FRMD4A: variants seen among roughly 807,000 people sequenced by gnomAD.
The protein encoded by FRMD4A is FERM domain containing 4A, also known as FERM domain-containing protein 4A.
A neutral mutation model predicts 129.1 loss-of-function variants in FRMD4A; 29 were observed. The observed-to-expected ratio is 0.22, with a 90% CI of 0.17 to 0.31. FRMD4A has a LOEUF of 0.31. Ranked by LOEUF, FRMD4A falls within the 10% of genes least tolerant of loss-of-function variation. FRMD4A has a pLI of 1.00. For missense variants in FRMD4A, 1,272 were observed against 1,375.8 expected (o/e 0.92, Z 1.19); for synonymous variants, 634 against 571.6 (o/e 1.11, Z -1.56).
At chr10:13,997,156 T>G (rs1247064959) in intron 2 of FRMD4A, among the ~76,000 whole-genome samples, 1 of 152,150 alleles carries the variant, frequency 6.6e-6, no homozygotes, top group Non-Finnish European at 1.5e-5. Flanking sequence ...CCTTTTTTTT[T>G]GCATGGGTTG....
intron 2 of FRMD4A, among the ~76,000 whole-genome samples, chr10:14,101,435 T>C (rs1243539462): frequency 6.6e-6 from 1 of 152,202 alleles, no homozygotes; most frequent in African/African-American, 2.4e-5. Flanking sequence ...CAAGAGACCC[T>C]AGATACTCAC....
At chr10:14,231,456 T>A (rs1843636606) in intron 2 of FRMD4A, among the ~76,000 whole-genome samples, 1 of 152,020 alleles carries the variant, frequency 6.6e-6, no homozygotes, top group Non-Finnish European at 1.5e-5. Context: ...CCTTCTCCTG[T>A]CTCAGCTTCC....
chr10:13,854,189 T>C (rs1460947045), intron 3 of FRMD4A, among the ~76,000 whole-genome samples: 1 of 152,218 alleles, frequency 6.6e-6, no homozygotes, highest in African/African-American at 2.4e-5. Flanking sequence ...ATTCTCACTA[T>C]GGCTAAAGCA....
At chr10:13,656,165 T>G (rs1008333484) in intron 22 of FRMD4A, among the ~76,000 whole-genome samples, 5 of 152,198 alleles carry the variant, frequency 3.3e-5, no homozygotes, top group Non-Finnish European at 5.9e-5. Flanking sequence ...TATTAGCCAG[T>G]CTGCCCCCAT....
intron 2 of FRMD4A, among the ~76,000 whole-genome samples, chr10:13,924,893 T>A (rs2095113030): frequency 6.6e-6 from 1 of 151,544 alleles, no homozygotes. Flanking sequence ...TGAAACCCCG[T>A]CTCTACTAAA....
At position 13,644,873 on chromosome 10, in the gene FRMD4A, C is replaced by T. The variant is rs563738530; in HGVS notation, c.*2165G>A. On this transcript the variant is annotated 3_prime_UTR_variant, in exon 25 of 25. Coordinates refer to ENST00000357447, the MANE Select transcript of FRMD4A (RefSeq NM_018027.5). Reference sequence around the variant, plus strand: ...AACAAAAATATCCCCCAGTGAATCCCTAGAATCATTTAATAATGTAACCGG... The same window carrying T: ...AACAAAAATATCCCCCAGTGAATCCTTAGAATCATTTAATAATGTAACCGG... The T allele has an allele frequency of 3.9e-4, 59 of 152,336 alleles. No individual in the cohort carries two copies. The highest frequency in any genetic ancestry group is 1.4e-3 in the African/African-American group (58 of 41,568). 9.4% of individuals were successfully genotyped at this position (152,336 alleles called of 1,614,324 possible).
intron 12 of FRMD4A, among the ~76,000 whole-genome samples, chr10:13,721,144 G>C (rs146628687): frequency 6.6e-6 from 1 of 152,138 alleles, no homozygotes; most frequent in Non-Finnish European, 1.5e-5. Context: ...CTGAATCCTA[G>C]TCTGGATTAA....
At chr10:14,295,338 A>AT (rs1340620638) in intron 2 of FRMD4A, among the ~76,000 whole-genome samples, 3 of 152,296 alleles carry the variant, frequency 2.0e-5, no homozygotes, top group South Asian at 4.1e-4. Flanking sequence ...CTTTTATTTG[A>AT]TTTTTTTAAA....
intron 2 of FRMD4A, among the ~76,000 whole-genome samples, chr10:14,128,100 C>CTTTCTTTCTTTCT (rs1554766376): frequency 3.2e-4 from 11 of 34,214 alleles, no homozygotes; most frequent in Non-Finnish European, 5.8e-4. Flanking sequence ...TTCTTTCTTT[C>CTTTCTTTCTTTCT]TTTCTTTTCT....
At chr10:13,711,308 A>G (rs2087992206) in intron 12 of FRMD4A, among the ~76,000 whole-genome samples, 1 of 152,266 alleles carries the variant, frequency 6.6e-6, no homozygotes, top group African/African-American at 2.4e-5. Flanking sequence ...TGGCAGAGCA[A>G]ACACAACAAT....
At chr10:13,708,187 G>A (rs142644025) in intron 12 of FRMD4A, among the ~76,000 whole-genome samples, 8 of 152,310 alleles carry the variant, frequency 5.3e-5, no homozygotes, top group Non-Finnish European at 1.0e-4. Flanking sequence ...TCTGGCCACT[G>A]AGTTAAATGC....
chr10:13,799,401 A>C (rs1159098822), intron 4 of FRMD4A, among the ~76,000 whole-genome samples: 3 of 152,116 alleles, frequency 2.0e-5, no homozygotes, highest in African/African-American at 4.8e-5. Flanking sequence ...CAGGCAATCC[A>C]CCTGCCTCGG....
intron 2 of FRMD4A, among the ~76,000 whole-genome samples, chr10:13,861,235 G>A (rs1267604732): frequency 6.6e-6 from 1 of 152,126 alleles, no homozygotes; most frequent in African/African-American, 2.4e-5. Context: ...AACCCCCAAT[G>A]TATTTGCAGG....
intron 2 of FRMD4A, among the ~76,000 whole-genome samples, chr10:14,090,097 T>A (rs1836573004): frequency 6.6e-6 from 1 of 152,134 alleles, no homozygotes; most frequent in Non-Finnish European, 1.5e-5. Flanking sequence ...GGGAGAATAT[T>A]TATAGCAGGG....
At chr10:13,767,139 G>A (rs2092312910) in intron 6 of FRMD4A, among the ~76,000 whole-genome samples, 1 of 152,162 alleles carries the variant, frequency 6.6e-6, no homozygotes, top group Non-Finnish European at 1.5e-5. Flanking sequence ...GTTATTAGAT[G>A]TTTTCAGGGG....
At chr10:13,681,267 T>C (rs2084556291) in intron 15 of FRMD4A, among the ~76,000 whole-genome samples, 1 of 152,206 alleles carries the variant, frequency 6.6e-6, no homozygotes, top group Non-Finnish European at 1.5e-5. Context: ...GTGTGTCTCA[T>C]CATTAACCAG....
intron 3 of FRMD4A, among the ~76,000 whole-genome samples, chr10:13,848,014 C>T (rs1016763830): frequency 1.2e-4 from 18 of 152,220 alleles, no homozygotes; most frequent in Non-Finnish European, 2.6e-4. Context: ...TGTGTGCACA[C>T]GTGTGTGCCT....
chr10:13,780,137 G>T (rs757855005), intron 6 of FRMD4A, among the ~76,000 whole-genome samples: 1 of 152,064 alleles, frequency 6.6e-6, no homozygotes. Flanking sequence ...GACCAGCCTG[G>T]GCAACATGGC....
chr10:14,133,482 C>A (rs531559777), intron 2 of FRMD4A, among the ~76,000 whole-genome samples: 1 of 152,180 alleles, frequency 6.6e-6, no homozygotes, highest in South Asian at 2.1e-4. Context: ...GGCATCTCAA[C>A]AAGAAGCAGG....
Sources: gnomAD v4.1 joint callset for allele counts (sites outside exome capture counted in the v4.1 genomes callset) on GRCh38, gnomAD v4.1.1 for gene constraint, MANE v1.5 for transcripts, NCBI Gene and HGNC (gene_info 2026-07-23, HGNC 2026-07-21) for gene names.